The following IFI35 variants were observed in gnomAD, a reference collection of about 807,000 sequenced individuals.
IFI35 encodes interferon-induced 35 kDa protein.
Under a neutral mutation model 28.6 loss-of-function variants are expected in IFI35, and 30 were observed. That is an observed-to-expected ratio of 1.05 (90% CI 0.79 to 1.43). The LOEUF (loss-of-function observed/expected upper bound fraction) is 1.43. Ranked by LOEUF, IFI35 falls within the 40% of genes most tolerant of loss-of-function variation. The pLI, the probability that IFI35 is intolerant of heterozygous loss-of-function variation, is 0.00. For missense variants in IFI35, 372 were observed against 356.9 expected (o/e 1.04, Z -0.34); for synonymous variants, 146 against 154.8 (o/e 0.94, Z 0.42).
chr17:43,012,000 C>T (rs985230730), intron 1 of IFI35, 179 bp from the exon 2 acceptor site: 2 of 431,138 alleles, frequency 4.6e-6, no homozygotes, highest in Non-Finnish European at 8.3e-6. Flanking sequence ...ATGAGGCCAG[C>T]CAAGCCCTGG....
chr17:43,009,258 C>G (rs1381278337), intron 1 of IFI35, among the ~76,000 whole-genome samples: 1 of 152,198 alleles, frequency 6.6e-6, no homozygotes, highest in Non-Finnish European at 1.5e-5. Context: ...CTTGGCCTCC[C>G]AAAGTGCTGG....
chr17:43,014,381 G>C lies in IFI35; in HGVS notation c.*82G>C. The C allele has an allele frequency of 4.1e-6, 4 of 964,760 alleles. No individual in the cohort carries two copies. Among genetic ancestry groups the C allele is most frequent in the Non-Finnish European group, 6.1e-6 (4 of 658,208 alleles). 59.8% of individuals were successfully genotyped at this position (964,760 alleles called of 1,614,324 possible). A position where few individuals can be genotyped will look rare whatever the true frequency, so the allele number is the denominator to read the frequency against. ...GCTTGGGTGCCCATATAGGAGGTCTGTATGTTCACCAACAGTGCGGAGGGG... is the reference window on the plus strand; with the variant it reads ...GCTTGGGTGCCCATATAGGAGGTCTCTATGTTCACCAACAGTGCGGAGGGG... On this transcript the variant is annotated 3_prime_UTR_variant, in exon 7 of 7. Transcript: ENST00000415816.
chr17:43,012,097 A>T, intron 1 of IFI35, 82 bp from the exon 2 acceptor site: 1 of 1,010,230 alleles, frequency 9.9e-7, no homozygotes, highest in Non-Finnish European at 1.5e-6. Flanking sequence ...TGGAGCGTCC[A>T]GAATAGGCCC....
chr17:43,013,691 G>T, intron 5 of IFI35, 29 bp downstream of exon 5: 1 of 1,611,784 alleles, frequency 6.2e-7, no homozygotes, highest in Admixed American at 1.7e-5. Flanking sequence ...TCCTGCAGGG[G>T]AGAGGGTATA....
chr17:43,008,269 C>T (rs1462551017), intron 1 of IFI35, among the ~76,000 whole-genome samples: 3 of 150,324 alleles, frequency 2.0e-5, no homozygotes, highest in Non-Finnish European at 4.4e-5. Context: ...CTTCTGACCT[C>T]GTGATCTGCC....
At chr17:43,012,063 T>G in intron 1 of IFI35, 116 bp from the exon 2 acceptor site, 85 of 699,444 alleles carry the variant, frequency 1.2e-4, no homozygotes, top group Middle Eastern at 4.1e-4. Context: ...GGGTTGTTCT[T>G]GAGCTTAGCA....
chr17:43,008,340 T>A (rs1336022862), intron 1 of IFI35, among the ~76,000 whole-genome samples: 1 of 142,204 alleles, frequency 7.0e-6, no homozygotes, highest in Non-Finnish European at 1.5e-5. Flanking sequence ...GGACTTTTCT[T>A]TCCTTTTTTT....
chr17:43,006,856 T>C lies in IFI35; in HGVS notation c.-92T>C. 1 of 1,390,998 alleles carries C rather than the reference T, an allele frequency of 7.2e-7. No individual in the cohort carries two copies. The highest frequency in any genetic ancestry group is 1.0e-6 in the Non-Finnish European group (1 of 977,622). 86.2% of individuals were successfully genotyped at this position (1,390,998 alleles called of 1,614,324 possible). A position where few individuals can be genotyped will look rare whatever the true frequency, so the allele number is the denominator to read the frequency against. Reference sequence around the variant, plus strand: ...TGGGGCTGAGAGAGACCACAGCCCTTTGGGGGGTACAAACAAGAGTTCAGT... The same window carrying C: ...TGGGGCTGAGAGAGACCACAGCCCTCTGGGGGGTACAAACAAGAGTTCAGT... On this transcript the variant is annotated 5_prime_UTR_variant, in exon 1 of 7. Coordinates refer to ENST00000415816, the MANE Select transcript of IFI35 (RefSeq NM_001330230.2).
chr17:43,010,016 A>G (rs763799615), intron 1 of IFI35, among the ~76,000 whole-genome samples: 4 of 151,948 alleles, frequency 2.6e-5, no homozygotes, highest in Non-Finnish European at 4.4e-5. Context: ...CGGGCAGATC[A>G]TGAAGTCAGG....
Position 43,013,771 on chromosome 17 carries a change from C to T in IFI35, c.563-5C>T. On this transcript the variant is annotated splice_region_variant and splice_polypyrimidine_tract_variant and intron_variant, in intron 5 of 6. Transcript: ENST00000415816. ...TAAAGGCCCACCCCTCCTTGCTCCC[C>T]ACAGTGGCTCAGCGTCTGTGCCAAA... 4 of 1,613,316 alleles carry T rather than the reference C, an allele frequency of 2.5e-6. No individual in the cohort carries two copies. Among genetic ancestry groups the T allele is most frequent in the Non-Finnish European group, 3.4e-6 (4 of 1,179,528 alleles).
At chr17:43,009,708 CT>C (rs2050440230) in intron 1 of IFI35, among the ~76,000 whole-genome samples, 1 of 151,600 alleles carries the variant, frequency 6.6e-6, no homozygotes, top group East Asian at 1.9e-4. Flanking sequence ...AGCCGAGATC[CT>C]GCCACTGCAT....
chr17:43,012,384 C>A, intron 2 of IFI35, 107 bp downstream of exon 2: 1 of 666,952 alleles, frequency 1.5e-6, no homozygotes, highest in Non-Finnish European at 2.6e-6. Context: ...GGGGCCTGAT[C>A]ACCTCAGGTC....
At chr17:43,009,468 A>G (rs1343521967) in intron 1 of IFI35, among the ~76,000 whole-genome samples, 1 of 152,064 alleles carries the variant, frequency 6.6e-6, no homozygotes, top group Non-Finnish European at 1.5e-5. Flanking sequence ...AAAATAAAAA[A>G]TTAGAGCCGG....
intron 1 of IFI35, among the ~76,000 whole-genome samples, chr17:43,007,818 T>C (rs2050421137): frequency 7.9e-6 from 1 of 126,014 alleles, no homozygotes; most frequent in African/African-American, 3.2e-5. Context: ...AGAGGGAGAC[T>C]GTCTCTCACA....
At chr17:43,007,819 G>GTC (rs1344787730) in intron 1 of IFI35, among the ~76,000 whole-genome samples, 1 of 121,112 alleles carries the variant, frequency 8.3e-6, no homozygotes, top group Non-Finnish European at 1.6e-5. Context: ...GAGGGAGACT[G>GTC]TCTCTCACAC....
chr17:43,013,623 C>A lies in IFI35; in HGVS notation c.523C>A (p.Leu175Met). The A allele has an allele frequency of 6.2e-7, 1 of 1,614,126 alleles. No individual in the cohort carries two copies. Among genetic ancestry groups the A allele is most frequent in the South Asian group, 1.1e-5 (1 of 91,086 alleles). The part of the protein sequence containing the change: ...GGGDVDVREL[L>M]PGSVMLGFAR... ...TGGCGATGTGGACGTTCGGGAGCTA[C>A]TGCCAGGGAGTGTCATGCTGGGGTT... Residue 175 changes from leucine to methionine, a missense_variant, in exon 5 of 7, where the codon CTG (leucine) becomes ATG (methionine). By Grantham distance (15) the Leu-to-Met change is conservative. Coordinates refer to ENST00000415816, the MANE Select transcript of IFI35 (RefSeq NM_001330230.2).
intron 1 of IFI35, among the ~76,000 whole-genome samples, chr17:43,008,946 C>G (rs2050434132): frequency 6.6e-6 from 1 of 152,002 alleles, no homozygotes; most frequent in Admixed American, 6.6e-5. Flanking sequence ...TGAGCCACAG[C>G]ACCCGGCTTT....
Position 43,013,153 on chromosome 17 carries a change from T to A in IFI35, c.227T>A (p.Leu76Gln). ...LVSNLRIHCP[L>Q]LAGSALITFD... Reference sequence around the variant, plus strand: ...TCCAATTTGCGGATCCACTGCCCTCTGCTTGCGGGCTCTGCTCTGATCACC... The same window carrying A: ...TCCAATTTGCGGATCCACTGCCCTCAGCTTGCGGGCTCTGCTCTGATCACC... Residue 76 changes from leucine (L) to glutamine (Q), a missense_variant, in exon 3 of 7, where the codon CTG (leucine) becomes CAG (glutamine). By Grantham distance (113) the Leu-to-Gln change is moderately radical. Coordinates refer to ENST00000415816, the MANE Select transcript of IFI35 (RefSeq NM_001330230.2). 6.2e-7 allele frequency: 1 copy of A among 1,614,086 alleles called. No individual in the cohort carries two copies. Among genetic ancestry groups the A allele is most frequent in the Non-Finnish European group, 8.5e-7 (1 of 1,180,018 alleles).
At chr17:43,008,058 G>A (rs1207977452) in intron 1 of IFI35, among the ~76,000 whole-genome samples, 10 of 133,252 alleles carry the variant, frequency 7.5e-5, no homozygotes, top group Admixed American at 1.5e-4. Context: ...TTTTTGAGAC[G>A]GAGTCTCACT....
Sources: allele counts gnomAD v4.1 joint callset (sites outside exome capture counted in the v4.1 genomes callset), GRCh38; gene constraint gnomAD v4.1.1; transcripts MANE v1.5; gene names NCBI Gene and HGNC (gene_info 2026-07-23, HGNC 2026-07-21).